The following TNIP3 variants were observed in gnomAD, a reference collection of about 807,000 sequenced individuals.
TNIP3 encodes the protein TNFAIP3 interacting protein 3.
In TNIP3, 34 loss-of-function variants were observed where a neutral mutation model predicts 54.1. The observed-to-expected ratio is 0.63, with a 90% CI of 0.48 to 0.84. The LOEUF is 0.84. TNIP3 is among the 40% of genes least tolerant of loss of function. The pLI is 0.00. For synonymous variants in TNIP3, 134 were observed against 136.8 expected, an observed-to-expected ratio of 0.98 and a Z score of 0.14; for missense variants, 366 against 387.6, an observed-to-expected ratio of 0.94 and a Z score of 0.47.
At chr4:121,151,724 A>C (rs1729772480) in intron 5 of TNIP3, among the ~76,000 whole-genome samples, 1 of 151,794 alleles carries the variant, frequency 6.6e-6, no homozygotes, top group Admixed American at 6.6e-5. Context: ...AGATCTTGTT[A>C]TTTGAATTTT....
intron 3 of TNIP3, among the ~76,000 whole-genome samples, chr4:121,177,732 T>C (rs1033949128): frequency 1.3e-5 from 2 of 152,232 alleles, no homozygotes; most frequent in Non-Finnish European, 2.9e-5. Context: ...TTATATTTTT[T>C]CCCTTTCTAT....
At chr4:121,206,977 A>G (rs1414263927) in intron 2 of TNIP3, among the ~76,000 whole-genome samples, 1 of 152,212 alleles carries the variant, frequency 6.6e-6, no homozygotes, top group Non-Finnish European at 1.5e-5. Context: ...TAAAATAGAA[A>G]TAAGTTCAAA....
intron 2 of TNIP3, among the ~76,000 whole-genome samples, chr4:121,200,104 C>T (rs2148839145): frequency 6.6e-6 from 1 of 152,208 alleles, no homozygotes; most frequent in South Asian, 2.1e-4. Flanking sequence ...TTGTGTGTTG[C>T]AACACTGTGA....
At chr4:121,194,881 T>C (rs1725481221) in intron 2 of TNIP3, among the ~76,000 whole-genome samples, 1 of 152,066 alleles carries the variant, frequency 6.6e-6, no homozygotes, top group African/African-American at 2.4e-5. Flanking sequence ...CACAGACTTC[T>C]TCTCAGCAGG....
intron 2 of TNIP3, among the ~76,000 whole-genome samples, chr4:121,207,221 A>G (rs370714717): frequency 6.6e-6 from 1 of 152,320 alleles, no homozygotes; most frequent in East Asian, 1.9e-4. Flanking sequence ...GTTCAGAAGT[A>G]CAGAAAAAAA....
upstream of TNIP3, among the ~76,000 whole-genome samples, chr4:121,217,676 G>A (rs1230319445): frequency 6.6e-6 from 1 of 152,172 alleles, no homozygotes; most frequent in Non-Finnish European, 1.5e-5. Flanking sequence ...CAAATATGTT[G>A]AAGAGGAAAC....
At chr4:121,185,945 A>G (rs1724992148) in intron 2 of TNIP3, among the ~76,000 whole-genome samples, 1 of 152,266 alleles carries the variant, frequency 6.6e-6, no homozygotes, top group Non-Finnish European at 1.5e-5. Flanking sequence ...AGTGGCAAGC[A>G]TGTTAGAAGC....
At chr4:121,168,779 C>CAA (rs111959444), upstream of TNIP3, among the ~76,000 whole-genome samples, 7 of 151,518 alleles carry the variant, frequency 4.6e-5, no homozygotes, top group Non-Finnish European at 7.4e-5. Context: ...CACAGCTTCT[C>CAA]AAAAAAAATG....
intron 2 of TNIP3, among the ~76,000 whole-genome samples, chr4:121,198,811 G>T (rs182754840): frequency 6.6e-6 from 1 of 152,278 alleles, no homozygotes; most frequent in African/African-American, 2.4e-5. Flanking sequence ...CATGGAATAC[G>T]TTATGAGAAC....
chr4:121,206,066 C>T (rs190579705), intron 2 of TNIP3, among the ~76,000 whole-genome samples: 2 of 152,238 alleles, frequency 1.3e-5, no homozygotes, highest in Admixed American at 6.5e-5. Flanking sequence ...GGTAACTACT[C>T]CCATGATTCA....
chr4:121,224,388 A>C (rs1421880952), intron 1 of TNIP3, among the ~76,000 whole-genome samples: 1 of 151,460 alleles, frequency 6.6e-6, no homozygotes, highest in Non-Finnish European at 1.5e-5. Context: ...AAAAGAAAAA[A>C]GAAAAAGAAA....
chr4:121,144,182 C>G (rs1579378747), intron 7 of TNIP3, among the ~76,000 whole-genome samples: 1 of 152,236 alleles, frequency 6.6e-6, no homozygotes, highest in East Asian at 1.9e-4. Flanking sequence ...GAGTTATTTA[C>G]TAGCAAGAAC....
chr4:121,222,933 G>A (rs1218836978), intron 1 of TNIP3, among the ~76,000 whole-genome samples: 2 of 151,692 alleles, frequency 1.3e-5, no homozygotes, highest in East Asian at 1.9e-4. Context: ...AGCCTCCCGA[G>A]TAGCTGGGAC....
intron 2 of TNIP3, among the ~76,000 whole-genome samples, chr4:121,195,316 T>C (rs1725519595): frequency 6.6e-6 from 1 of 152,216 alleles, no homozygotes; most frequent in Admixed American, 6.5e-5. Flanking sequence ...TATAAGGGAA[T>C]TTTTAAAATT....
At chr4:121,164,622 C>T (rs114481941), upstream of TNIP3, among the ~76,000 whole-genome samples, 704 of 152,184 alleles carry the variant, frequency 4.6e-3, 5 homozygotes, top group African/African-American at 0.016. Context: ...TCCCTAAAGG[C>T]GAGATTTTCT....
intron 2 of TNIP3, among the ~76,000 whole-genome samples, chr4:121,159,888 A>G (rs569405479): frequency 3.9e-4 from 59 of 152,368 alleles, no homozygotes; most frequent in Non-Finnish European, 7.9e-4. Flanking sequence ...TAATGACTAA[A>G]AAGTAGCAAA....
At chr4:121,227,214 C>T (rs191675483) in intron 1 of TNIP3, among the ~76,000 whole-genome samples, 33 of 152,146 alleles carry the variant, frequency 2.2e-4, no homozygotes, top group African/African-American at 5.3e-4. Context: ...TATTTCTCAC[C>T]GGGAACACAT....
At chr4:121,182,617 T>G in intron 3 of TNIP3, 1 of 1,519,616 alleles carries the variant, frequency 6.6e-7, no homozygotes, top group South Asian at 1.2e-5. Flanking sequence ...CAAATTCTTC[T>G]TGATGAATAA....
intron 6 of TNIP3, among the ~76,000 whole-genome samples, chr4:121,147,806 T>G (rs1014507147): frequency 3.9e-5 from 6 of 152,224 alleles, no homozygotes; most frequent in Admixed American, 6.5e-5. Flanking sequence ...TATAGCTAGA[T>G]TTTTATCTAT....
Sources: allele counts gnomAD v4.1 joint callset (sites outside exome capture counted in the v4.1 genomes callset), GRCh38; gene constraint gnomAD v4.1.1; transcripts MANE v1.5; gene names NCBI Gene and HGNC (gene_info 2026-07-23, HGNC 2026-07-21).